The following NRXN3 variants were observed in gnomAD, a reference collection of about 807,000 sequenced individuals.
NRXN3 encodes the protein neurexin 3.
Under a neutral mutation model 137.6 loss-of-function variants are expected in NRXN3, and 32 were observed. The ratio of observed to expected loss-of-function variants is 0.23; its 90% CI spans 0.18 to 0.31. The LOEUF (loss-of-function observed/expected upper bound fraction) is 0.31. Ranked by LOEUF, NRXN3 falls within the 10% of genes least tolerant of loss-of-function variation. NRXN3 has a pLI of 1.00. For missense variants in NRXN3, 1,574 were observed against 2,062.5 expected (o/e 0.76, Z 4.59); for synonymous variants, 798 against 784.5 (o/e 1.02, Z -0.29).
chr14:78,469,721 T>C (rs1156785498), intron 4 of NRXN3, among the ~76,000 whole-genome samples: 1 of 152,224 alleles, frequency 6.6e-6, no homozygotes, highest in African/African-American at 2.4e-5. Flanking sequence ...GTGTATAAAA[T>C]GTCATGATGC....
chr14:79,038,264 G>A (rs2099619475), intron 15 of NRXN3, among the ~76,000 whole-genome samples: 1 of 151,816 alleles, frequency 6.6e-6, no homozygotes, highest in African/African-American at 2.4e-5. Flanking sequence ...AGACCGAAAG[G>A]CATAAAAATG....
intron 4 of NRXN3, among the ~76,000 whole-genome samples, chr14:78,316,379 A>G (rs2078711960): frequency 6.6e-6 from 1 of 152,190 alleles, no homozygotes; most frequent in South Asian, 2.1e-4. Flanking sequence ...TCCTAAGGAA[A>G]GAAAGAGGAA....
intron 16 of NRXN3, among the ~76,000 whole-genome samples, chr14:79,600,844 T>C (rs2097914023): frequency 6.6e-6 from 1 of 150,564 alleles, no homozygotes; most frequent in Non-Finnish European, 1.5e-5. Context: ...GCCCGGAGAA[T>C]CTGGTAGTGA....
In NRXN3 at chr14:79,188,394, A is replaced by AT. The variant is rs2063790207; in HGVS notation, c.3262+200254dup. Among the ~76,000 whole-genome samples, 9 of 79,440 alleles carry AT rather than the reference A, an allele frequency of 1.1e-4. No homozygotes were observed. The Admixed American group carries it at 1.5e-3, about 13-fold the overall frequency. 52.1% of individuals were successfully genotyped at this position (79,440 alleles called of 152,430 possible). On this transcript the variant is annotated intron_variant, in intron 15 of 20. Coordinates refer to ENST00000335750, the MANE Select transcript of NRXN3 (RefSeq NM_001330195.2). ...GCTAGCCCTTTGGCTTGTACAATAC[A>AT]TATTTTTTTTTTTAGAATATACTGG...
At chr14:78,825,565 A>G (rs1438244946) in intron 10 of NRXN3, among the ~76,000 whole-genome samples, 1 of 152,248 alleles carries the variant, frequency 6.6e-6, no homozygotes, top group Non-Finnish European at 1.5e-5. Flanking sequence ...ACCAAAAATC[A>G]TGGATGTTCT....
chr14:79,062,061 C>T (rs1213047501), intron 15 of NRXN3, among the ~76,000 whole-genome samples: 1 of 152,124 alleles, frequency 6.6e-6, no homozygotes, highest in African/African-American at 2.4e-5. Flanking sequence ...GTAAAACGTC[C>T]ATAATTTTTA....
intron 4 of NRXN3, among the ~76,000 whole-genome samples, chr14:78,394,284 G>C (rs757029348): frequency 4.0e-5 from 6 of 151,764 alleles, no homozygotes; most frequent in Non-Finnish European, 8.8e-5. Context: ...TTCTGAGAGT[G>C]GGTGTTAAAT....
intron 15 of NRXN3, among the ~76,000 whole-genome samples, chr14:79,241,504 A>G (rs2074286320): frequency 1.3e-5 from 2 of 152,102 alleles, no homozygotes; most frequent in Non-Finnish European, 2.9e-5. Context: ...TTATATAACC[A>G]TCAGATCTCA....
At chr14:79,768,676 T>C (rs1395757941) in intron 19 of NRXN3, among the ~76,000 whole-genome samples, 1 of 151,906 alleles carries the variant, frequency 6.6e-6, no homozygotes, top group Non-Finnish European at 1.5e-5. Context: ...ATGGGGAAAA[T>C]ACAGAGCAGA....
chr14:78,782,088 C>T lies in NRXN3; in HGVS notation c.2045-21532C>T, dbSNP rs992253478. Among the ~76,000 whole-genome samples, 11 of 152,192 alleles carry T rather than the reference C, an allele frequency of 7.2e-5. No homozygotes were observed. The East Asian group carries it at 9.6e-4, about 13-fold the overall frequency. ...GCTTGCCCGCTCTTCTGGGCTTCCC[C>T]GGGGGTCTGCCAAGCTCCAGCACAT... On this transcript the variant is annotated intron_variant, in intron 8 of 20. Transcript: ENST00000335750.
intron 11 of NRXN3, 38 bp downstream of exon 11, chr14:78,957,399 C>G: frequency 6.3e-7 from 1 of 1,579,928 alleles, no homozygotes; most frequent in Non-Finnish European, 8.5e-7. Flanking sequence ...TGTCTTTTCT[C>G]TCAGTCCTCT....
intron 16 of NRXN3, among the ~76,000 whole-genome samples, chr14:79,525,563 G>A (rs2097111018): frequency 1.3e-5 from 2 of 152,196 alleles, no homozygotes; most frequent in Admixed American, 1.3e-4. Context: ...CCCCACAAAT[G>A]AATCAGTCAG....
At chr14:78,490,841 T>TAGGTAACC (rs2095652913) in intron 4 of NRXN3, among the ~76,000 whole-genome samples, 1 of 152,184 alleles carries the variant, frequency 6.6e-6, no homozygotes, top group Non-Finnish European at 1.5e-5. Context: ...AGGTAACTTG[T>TAGGTAACC]CCTAGGTCAC....
intron 15 of NRXN3, among the ~76,000 whole-genome samples, chr14:79,291,515 C>G (rs530585645): frequency 6.6e-6 from 1 of 151,540 alleles, no homozygotes; most frequent in East Asian, 2.0e-4. Context: ...CCACCATGCC[C>G]AGCCCATTTT....
intron 8 of NRXN3, among the ~76,000 whole-genome samples, chr14:78,723,070 G>T (rs1336713388): frequency 6.6e-6 from 1 of 152,180 alleles, no homozygotes; most frequent in African/African-American, 2.4e-5. Context: ...CGAAGATGCA[G>T]CTGTAGGGGT....
chr14:79,344,314 A>G lies in NRXN3; in HGVS notation c.3263-122907A>G, dbSNP rs573851351. ...TGCTAGGAGGTGAGTGAGAGGAAGAAGAGGCAGACTCTTTCTCTCTCCAAT... is the reference window on the plus strand; with the variant it reads ...TGCTAGGAGGTGAGTGAGAGGAAGAGGAGGCAGACTCTTTCTCTCTCCAAT... On this transcript the variant is annotated intron_variant, in intron 15 of 20. Coordinates refer to ENST00000335750, the MANE Select transcript of NRXN3 (RefSeq NM_001330195.2). Among the ~76,000 whole-genome samples the G allele has an allele frequency of 2.0e-5, 3 of 152,220 alleles. No individual in the cohort carries two copies. In the South Asian group the frequency reaches 6.2e-4, roughly 32 times the overall value.
At chr14:78,803,579 C>A in intron 8 of NRXN3, 41 bp from the exon 9 acceptor site, 1 of 1,591,014 alleles carries the variant, frequency 6.3e-7, no homozygotes, top group South Asian at 1.1e-5. Context: ...GCAACTGTGA[C>A]ATCCGTCATC....
chr14:78,623,564 T>C (rs577322667), intron 4 of NRXN3, among the ~76,000 whole-genome samples: 1 of 152,198 alleles, frequency 6.6e-6, no homozygotes, highest in Non-Finnish European at 1.5e-5. Flanking sequence ...ATTCATTTAT[T>C]TTATTTTATT....
At chr14:79,160,531 C>T (rs1407227906) in intron 15 of NRXN3, among the ~76,000 whole-genome samples, 2 of 151,920 alleles carry the variant, frequency 1.3e-5, no homozygotes, top group Non-Finnish European at 2.9e-5. Flanking sequence ...CAAAATCCTT[C>T]CCTCCTTTAC....
Sources: gnomAD v4.1 joint callset for allele counts (sites outside exome capture counted in the v4.1 genomes callset) on GRCh38, gnomAD v4.1.1 for gene constraint, MANE v1.5 for transcripts, NCBI Gene and HGNC (gene_info 2026-07-23, HGNC 2026-07-21) for gene names.